The following KCNH8 variants were observed in gnomAD, a reference collection of about 807,000 sequenced individuals.
The protein encoded by KCNH8 is voltage-gated delayed rectifier potassium channel KCNH8.
In KCNH8, 70 loss-of-function variants were observed where a neutral mutation model predicts 103.6. That is an observed-to-expected ratio of 0.68 (90% CI 0.56 to 0.82). KCNH8 has a LOEUF of 0.82. Among genes scored for constraint, KCNH8 ranks in the 40% least tolerant of loss-of-function variants. The pLI, the probability that KCNH8 is intolerant of heterozygous loss-of-function variation, is 0.00. For missense variants in KCNH8, 1,217 were observed against 1,329.9 expected (o/e 0.92, Z 1.32); for synonymous variants, 498 against 489.4 (o/e 1.02, Z -0.23).
chr3:19,281,477 C>T, intron 3 of KCNH8, 148 bp downstream of exon 3: 1 of 645,864 alleles, frequency 1.5e-6, no homozygotes, highest in Non-Finnish European at 2.6e-6. Context: ...GTGCATATTC[C>T]AAATCACAGA....
rs563339930 is a variant in KCNH8, at chr3:19,230,251, C to T, written c.77-23403C>T. Among the ~76,000 whole-genome samples, 18 of 152,216 alleles carry T rather than the reference C, an allele frequency of 1.2e-4. No individual in the cohort carries two copies. In the South Asian group the frequency reaches 3.7e-3, roughly 32 times the overall value. On this transcript the variant is annotated intron_variant, in intron 1 of 15. Transcript: ENST00000328405. ...TTTGGTTGGGGACACAGAGCCAAAC[C>T]ATATCAGATGTTAAGCAGAAAGAAC...
At chr3:19,488,596 T>G (rs979377181) in intron 11 of KCNH8, among the ~76,000 whole-genome samples, 1 of 152,216 alleles carries the variant, frequency 6.6e-6, no homozygotes, top group Admixed American at 6.5e-5. Context: ...GACTCTCCCC[T>G]TTTTCTTGGA....
chr3:19,389,718 C>A (rs529232867), intron 5 of KCNH8, among the ~76,000 whole-genome samples: 2 of 152,142 alleles, frequency 1.3e-5, no homozygotes, highest in African/African-American at 4.8e-5. Flanking sequence ...GCCTCAACTT[C>A]CTGGGCTCAA....
At chr3:19,169,947 G>T (rs1273943588) in intron 1 of KCNH8, among the ~76,000 whole-genome samples, 1 of 152,074 alleles carries the variant, frequency 6.6e-6, no homozygotes, top group African/African-American at 2.4e-5. Flanking sequence ...ACAAAAAAAA[G>T]AAACCACGTA....
intron 1 of KCNH8, among the ~76,000 whole-genome samples, chr3:19,206,499 T>C (rs2063718428): frequency 6.6e-6 from 1 of 151,992 alleles, no homozygotes; most frequent in Admixed American, 6.6e-5. Flanking sequence ...ACAATTAAAA[T>C]GGTTCTAAGT....
chr3:19,210,402 G>T (rs1299641414), intron 1 of KCNH8, among the ~76,000 whole-genome samples: 1 of 151,868 alleles, frequency 6.6e-6, no homozygotes, highest in Non-Finnish European at 1.5e-5. Flanking sequence ...CATCCTAATT[G>T]TTACATAGGA....
In KCNH8 at chr3:19,225,460, G is replaced by A. The variant is rs182665089; in HGVS notation, c.77-28194G>A. Among the ~76,000 whole-genome samples, 28 of 152,208 alleles carry A rather than the reference G, an allele frequency of 1.8e-4. No homozygotes were observed. In the East Asian group the frequency reaches 5.1e-3, roughly 27 times the overall value. ...CTATTCAAGGTCAAAGTCCTCAGCA[G>A]TTATTACATCTTGAATATGTTGATA... On this transcript the variant is annotated intron_variant, in intron 1 of 15. Transcript: ENST00000328405.
intron 3 of KCNH8, among the ~76,000 whole-genome samples, chr3:19,286,324 C>G (rs2064831706): frequency 6.6e-6 from 1 of 152,176 alleles, no homozygotes; most frequent in African/African-American, 2.4e-5. Context: ...GTTAGGGTTG[C>G]CCCTAATCCA....
At chr3:19,338,008 G>T (rs76259942) in intron 3 of KCNH8, among the ~76,000 whole-genome samples, 11 of 148,128 alleles carry the variant, frequency 7.4e-5, no homozygotes, top group Admixed American at 1.3e-4. Context: ...GCGGGGGGGG[G>T]AGAAAGAGGG....
At chr3:19,450,028 TA>T in intron 8 of KCNH8, 77 bp from the exon 9 acceptor site, 1 of 1,224,234 alleles carries the variant, frequency 8.2e-7, no homozygotes. Flanking sequence ...TGATCCAGGA[TA>T]AACTGTAAAT....
chr3:19,278,144 C>A (rs1332738041), intron 2 of KCNH8, among the ~76,000 whole-genome samples: 1 of 152,004 alleles, frequency 6.6e-6, no homozygotes, highest in Non-Finnish European at 1.5e-5. Context: ...ATTAGAAATG[C>A]AGGGTGGAGG....
chr3:19,342,481 A>G, intron 3 of KCNH8, 106 bp from the exon 4 acceptor site: 1 of 1,045,026 alleles, frequency 9.6e-7, no homozygotes, highest in South Asian at 1.9e-5. Context: ...TATTGTAGGT[A>G]TTGGAAAACA....
chr3:19,173,927 C>A (rs1460487089), intron 1 of KCNH8, among the ~76,000 whole-genome samples: 1 of 151,192 alleles, frequency 6.6e-6, no homozygotes, highest in Non-Finnish European at 1.5e-5. Context: ...ACTGTTCTCA[C>A]AGGTGTCTTT....
In KCNH8 at chr3:19,451,160, G is replaced by C; in HGVS notation, c.1581G>C (p.Leu527Phe). The change falls in exon 10 of 16, where the codon TTG becomes TTC. Residue 527 changes from leucine (L) to phenylalanine (F), a missense_variant. This residue lies in a region of KCNH8 where 415 missense variants were observed against 577.4 expected (regional missense o/e 0.72). Coordinates refer to ENST00000328405, the MANE Select transcript of KCNH8 (RefSeq NM_144633.3). Reference sequence around the variant, plus strand: ...TCCTTCATCTTCTCTGACAGCTTTTGAAAGACTTTCCAGATGAACTGCGTT... The same window carrying C: ...TCCTTCATCTTCTCTGACAGCTTTTCAAAGACTTTCCAGATGAACTGCGTT... ...VNNGIDSNELLKDFPDELRSD... is the reference protein window; with the variant it reads ...VNNGIDSNELFKDFPDELRSD... 1.2e-6 allele frequency: 2 copies of C among 1,613,568 alleles called. No individual in the cohort carries two copies. The highest frequency in any genetic ancestry group is 1.7e-6 in the Non-Finnish European group (2 of 1,179,600).
At chr3:19,409,925 G>A (rs532399978) in intron 7 of KCNH8, among the ~76,000 whole-genome samples, 1 of 152,122 alleles carries the variant, frequency 6.6e-6, no homozygotes, top group East Asian at 1.9e-4. Flanking sequence ...ATAATAGTGG[G>A]GGTATTCAAG....
chr3:19,533,787 TC>T lies in KCNH8; in HGVS notation c.3013del (p.His1005IlefsTer5), dbSNP rs759030749. On this transcript the variant is annotated frameshift_variant, in exon 16 of 16. Coordinates refer to ENST00000328405, the MANE Select transcript of KCNH8 (RefSeq NM_144633.3). LOFTEE classifies it high-confidence loss of function. ...CCCACTACCAGGTTGTCCAAGAAGG[TC>T]ATTTGCAATTTTTAAGGTGCATCTC... ...PSHYQVVQEG[H>X]LQFLRCISPH... The T allele has an allele frequency of 2.5e-6, 4 of 1,614,028 alleles. No homozygotes were observed. Among genetic ancestry groups the T allele is most frequent in the Non-Finnish European group, 3.4e-6 (4 of 1,180,022 alleles).
intron 1 of KCNH8, among the ~76,000 whole-genome samples, chr3:19,189,005 C>T (rs1337488256): frequency 3.3e-5 from 5 of 151,858 alleles, no homozygotes; most frequent in East Asian, 1.9e-4. Context: ...GACTTATAGC[C>T]GTAACCCATA....
chr3:19,375,340 C>G (rs1268876599), intron 5 of KCNH8, among the ~76,000 whole-genome samples: 1 of 149,716 alleles, frequency 6.7e-6, no homozygotes, highest in Non-Finnish European at 1.5e-5. Context: ...TCCCTTCTCG[C>G]TTCATTTCAT....
At chr3:19,148,886 C>A in intron 1 of KCNH8, 91 bp downstream of exon 1, 1 of 1,136,398 alleles carries the variant, frequency 8.8e-7, no homozygotes, top group Non-Finnish European at 1.3e-6. Flanking sequence ...CCCTTTTGCA[C>A]CAGCGGAGTG....
Sources: gnomAD v4.1 joint callset for allele counts (sites outside exome capture counted in the v4.1 genomes callset) on GRCh38, gnomAD v4.1.1 for gene constraint, gnomAD v4.1.1 regional missense constraint, MANE v1.5 for transcripts, NCBI Gene and HGNC (gene_info 2026-07-23, HGNC 2026-07-21) for gene names.